AGBL4: variants seen among roughly 807,000 people sequenced by gnomAD.
AGBL4 encodes the protein AGBL carboxypeptidase 4.
In AGBL4, 58 loss-of-function variants were observed where a neutral mutation model predicts 66.4. The observed-to-expected ratio is 0.87, with a 90% CI of 0.71 to 1.09. AGBL4 has a LOEUF of 1.09. Ranked by LOEUF, AGBL4 falls within the 50% of genes least tolerant of loss-of-function variation. The pLI, the probability that AGBL4 is intolerant of heterozygous loss-of-function variation, is 0.00. For synonymous variants in AGBL4, 234 were observed against 222.9 expected (o/e 1.05, Z -0.44); for missense variants, 579 against 631.0 (o/e 0.92, Z 0.88).
At chr1:49,255,102 G>A (rs1228722206) in intron 3 of AGBL4, among the ~76,000 whole-genome samples, 1 of 152,136 alleles carries the variant, frequency 6.6e-6, no homozygotes, top group African/African-American at 2.4e-5. Flanking sequence ...CATAGTCACA[G>A]TCAAAGATTT....
At chr1:49,263,828 GCAGAGT>G (rs1653469727) in intron 3 of AGBL4, among the ~76,000 whole-genome samples, 1 of 152,080 alleles carries the variant, frequency 6.6e-6, no homozygotes, top group African/African-American at 2.4e-5. Flanking sequence ...GGAGACACAT[GCAGAGT>G]TGTTCACTGT....
chr1:49,075,333 T>C (rs1308812558), intron 4 of AGBL4, among the ~76,000 whole-genome samples: 1 of 152,138 alleles, frequency 6.6e-6, no homozygotes, highest in Non-Finnish European at 1.5e-5. Flanking sequence ...GTACACTCAT[T>C]AGAGGTAGGC....
chr1:49,526,672 C>G (rs1450536603), intron 3 of AGBL4, among the ~76,000 whole-genome samples: 1 of 151,908 alleles, frequency 6.6e-6, no homozygotes, highest in Non-Finnish European at 1.5e-5. Flanking sequence ...AAGTCAATGT[C>G]TAGAAGACAG....
intron 4 of AGBL4, among the ~76,000 whole-genome samples, chr1:49,114,028 A>C (rs1645466774): frequency 6.6e-6 from 1 of 152,234 alleles, no homozygotes; most frequent in African/African-American, 2.4e-5. Flanking sequence ...CATCAGCTCC[A>C]TTAGCTCCTC....
chr1:49,556,915 C>A (rs2148847582), intron 3 of AGBL4, among the ~76,000 whole-genome samples: 1 of 152,158 alleles, frequency 6.6e-6, no homozygotes, highest in South Asian at 2.1e-4. Flanking sequence ...GCTGGGGGAC[C>A]CGGCGCACCC....
chr1:48,748,575 G>A (rs1004558960), intron 6 of AGBL4, among the ~76,000 whole-genome samples: 2 of 152,150 alleles, frequency 1.3e-5, no homozygotes, highest in Non-Finnish European at 2.9e-5. Context: ...TTCTGTGTTG[G>A]GGCTTGGAGG....
In AGBL4 at chr1:48,538,895, C is replaced by T. The variant is rs148536397; in HGVS notation, c.1364+747G>A. On this transcript the variant is annotated intron_variant, in intron 12 of 13. Transcript: ENST00000371839. ...TGTCATGTCCTTCAAGTAGGATGGA[C>T]CACTGAAGGAGTGGGAGATGAGTCT... 9.4e-4 allele frequency among the ~76,000 whole-genome samples: 143 copies of T among 152,284 alleles called. 1 individual carries two copies. Among genetic ancestry groups the T allele is most frequent in the African/African-American group, 3.4e-3 (140 of 41,562 alleles).
intron 1 of AGBL4, among the ~76,000 whole-genome samples, chr1:49,880,835 G>A (rs1161319752): frequency 1.8e-4 from 28 of 151,862 alleles, no homozygotes; most frequent in Admixed American, 3.3e-4. Flanking sequence ...AGGGCCCTCC[G>A]AGCCAGGTGT....
intron 3 of AGBL4, among the ~76,000 whole-genome samples, chr1:49,513,957 AG>A (rs1322680160): frequency 1.3e-5 from 2 of 152,084 alleles, no homozygotes; most frequent in East Asian, 3.9e-4. Flanking sequence ...ACTGGCCCCT[AG>A]GTATTTTATT....
At position 49,260,660 on chromosome 1, in the gene AGBL4, A is replaced by T. The variant is rs904352844; in HGVS notation, c.283-14796T>A. ...ATAACAGGCTCTGAAATTGTGGCAAAAATCAATAACTTACCAACCAAAAAG... is the reference window on the plus strand; with the variant it reads ...ATAACAGGCTCTGAAATTGTGGCAATAATCAATAACTTACCAACCAAAAAG... On this transcript the variant is annotated intron_variant, in intron 3 of 13. Transcript: ENST00000371839. 1.6e-4 allele frequency among the ~76,000 whole-genome samples: 25 copies of T among 152,170 alleles called. No homozygotes were observed. In the South Asian group the frequency reaches 2.7e-3, roughly 16 times the overall value.
intron 3 of AGBL4, among the ~76,000 whole-genome samples, chr1:49,680,358 C>A (rs948260774): frequency 7.1e-6 from 1 of 141,156 alleles, no homozygotes; most frequent in Non-Finnish European, 1.6e-5. Context: ...CAGATTCTTT[C>A]TTTTATCATT....
chr1:49,518,391 T>G (rs1031241751), intron 3 of AGBL4, among the ~76,000 whole-genome samples: 1 of 152,084 alleles, frequency 6.6e-6, no homozygotes, highest in East Asian at 1.9e-4. Context: ...ATTGAGCATT[T>G]CCATTATGCC....
At chr1:49,009,274 C>A (rs1662163080) in intron 5 of AGBL4, among the ~76,000 whole-genome samples, 1 of 152,146 alleles carries the variant, frequency 6.6e-6, no homozygotes, top group South Asian at 2.1e-4. Context: ...ACTAAAAAAT[C>A]TAGAAGAAAT....
chr1:49,795,147 A>G (rs1644698271), intron 2 of AGBL4, among the ~76,000 whole-genome samples: 1 of 151,974 alleles, frequency 6.6e-6, no homozygotes, highest in Non-Finnish European at 1.5e-5. Flanking sequence ...AAGAGAAAAT[A>G]TTAGGTATAG....
chr1:49,140,678 A>G (rs996818335), intron 4 of AGBL4, among the ~76,000 whole-genome samples: 10 of 152,268 alleles, frequency 6.6e-5, no homozygotes, highest in African/African-American at 1.9e-4. Context: ...TTCTCAAGTT[A>G]CAGGAGATAA....
intron 2 of AGBL4, among the ~76,000 whole-genome samples, chr1:49,698,023 C>T (rs959179388): frequency 2.0e-5 from 3 of 152,118 alleles, no homozygotes; most frequent in Non-Finnish European, 4.4e-5. Context: ...TTTTCTCCAA[C>T]AACAGAACTA....
intron 8 of AGBL4, among the ~76,000 whole-genome samples, chr1:48,646,462 A>T (rs2148431698): frequency 6.6e-6 from 1 of 151,168 alleles, no homozygotes; most frequent in Middle Eastern, 3.4e-3. Context: ...ATAGTTTGAA[A>T]TGTTTCTTCC....
At position 49,891,152 on chromosome 1, in the gene AGBL4, A is replaced by T. The variant is rs149215003; in HGVS notation, c.35-39634T>A. On this transcript the variant is annotated intron_variant, in intron 1 of 13. Transcript: ENST00000371839. ...GGTAGAAGAAAGAAAAAGTGTAAAG[A>T]TGCTGAAGAAGAAGCAAACTTGTAA... 7.2e-4 allele frequency among the ~76,000 whole-genome samples: 110 copies of T among 152,328 alleles called. 1 individual carries two copies. Among genetic ancestry groups the T allele is most frequent in the African/African-American group, 2.6e-3 (106 of 41,568 alleles).
At chr1:49,970,705 CAA>C (rs767716556) in intron 1 of AGBL4, among the ~76,000 whole-genome samples, 24 of 71,882 alleles carry the variant, frequency 3.3e-4, no homozygotes, top group African/African-American at 1.1e-3. Context: ...CAAAAAAAAA[CAA>C]AACACACACA....
Sources: allele counts gnomAD v4.1 joint callset (sites outside exome capture counted in the v4.1 genomes callset), GRCh38; gene constraint gnomAD v4.1.1; transcripts MANE v1.5; gene names NCBI Gene and HGNC (gene_info 2026-07-23, HGNC 2026-07-21).